NTRK3: variants seen among roughly 807,000 people sequenced by gnomAD.
The protein encoded by NTRK3 is neurotrophic receptor tyrosine kinase 3.
In NTRK3, 24 loss-of-function variants were observed where a neutral mutation model predicts 91.7. The ratio of observed to expected loss-of-function variants is 0.26; its 90% CI spans 0.19 to 0.37. The LOEUF is 0.37. NTRK3 is among the 10% of genes least tolerant of loss of function. NTRK3 has a pLI of 1.00. For synonymous variants in NTRK3, 483 were observed against 404.0 expected, an observed-to-expected ratio of 1.20 and a Z score of -2.34; for missense variants, 880 against 1,068.9, an observed-to-expected ratio of 0.82 and a Z score of 2.46.
intron 14 of NTRK3, among the ~76,000 whole-genome samples, chr15:88,009,078 A>T (rs1360776617): frequency 6.6e-6 from 1 of 152,178 alleles, no homozygotes; most frequent in Non-Finnish European, 1.5e-5. Flanking sequence ...GTGGGAAGAG[A>T]CTTGTCATTG....
chr15:87,929,528 C>T (rs2141919254), intron 16 of NTRK3, 94 bp from the exon 17 acceptor site: 1 of 1,461,206 alleles, frequency 6.8e-7, no homozygotes, highest in Non-Finnish European at 9.2e-7. Context: ...GAATGCCCCA[C>T]AGAAATAAAT....
intron 15 of NTRK3, among the ~76,000 whole-genome samples, chr15:87,935,214 G>C (rs1386651121): frequency 6.6e-6 from 1 of 152,180 alleles, no homozygotes; most frequent in Non-Finnish European, 1.5e-5. Flanking sequence ...GTATAGAAGA[G>C]AGGGTCAGGA....
At chr15:88,000,999 C>T (rs2076059512) in intron 14 of NTRK3, among the ~76,000 whole-genome samples, 1 of 152,156 alleles carries the variant, frequency 6.6e-6, no homozygotes, top group Non-Finnish European at 1.5e-5. Context: ...TTCTTCACAT[C>T]CTCACCAATA....
At chr15:88,208,945 G>A (rs1019583818) in intron 3 of NTRK3, among the ~76,000 whole-genome samples, 1 of 152,164 alleles carries the variant, frequency 6.6e-6, no homozygotes, top group African/African-American at 2.4e-5. Flanking sequence ...AATGTGCCAA[G>A]CATCGTGCCC....
chr15:88,177,912 A>G lies in NTRK3; in HGVS notation c.395+5506T>C, dbSNP rs563555534. The stretch of plus-strand genomic sequence containing the variant: ...CTTATTTAAGGCTAAGACCAATCCT[A>G]TGAAGTAGGAACTCTTATTTTCCTT... On this transcript the variant is annotated intron_variant, in intron 5 of 18. Coordinates refer to ENST00000394480, the Ensembl canonical transcript of NTRK3. 2.6e-5 allele frequency among the ~76,000 whole-genome samples: 4 copies of G among 152,362 alleles called. No homozygotes were observed. In the East Asian group the frequency reaches 5.8e-4, roughly 22 times the overall value.
chr15:87,869,978 G>C (rs2064780973), exon 19 of NTRK3: 1 of 192,466 alleles, frequency 5.2e-6, no homozygotes, highest in African/African-American at 2.3e-5. Flanking sequence ...ACGTCTTGTT[G>C]GGTTTTAGGG....
At chr15:88,200,138 A>G (rs532736680) in intron 3 of NTRK3, among the ~76,000 whole-genome samples, 1 of 152,294 alleles carries the variant, frequency 6.6e-6, no homozygotes, top group African/African-American at 2.4e-5. Context: ...TACAGAGCTC[A>G]CTCATGTCCC....
chr15:88,238,997 G>C (rs902451441), intron 3 of NTRK3, among the ~76,000 whole-genome samples: 2 of 152,190 alleles, frequency 1.3e-5, no homozygotes, highest in African/African-American at 4.8e-5. Flanking sequence ...TCAGACAGTG[G>C]CTGTGCGGAT....
At chr15:87,988,290 C>G (rs1373841159) in intron 14 of NTRK3, among the ~76,000 whole-genome samples, 1 of 152,140 alleles carries the variant, frequency 6.6e-6, no homozygotes, top group Non-Finnish European at 1.5e-5. Flanking sequence ...CAAGGAAAGT[C>G]TAAGAAACTG....
At chr15:87,872,650 A>C (rs1176451200) in exon 19 of NTRK3, 1 of 232,402 alleles carries the variant, frequency 4.3e-6, no homozygotes, top group African/African-American at 2.2e-5. Context: ...AAGAGCATAA[A>C]AATGAAGTCT....
At chr15:88,097,414 T>C (rs1305674788) in intron 13 of NTRK3, among the ~76,000 whole-genome samples, 4 of 152,178 alleles carry the variant, frequency 2.6e-5, no homozygotes, top group Non-Finnish European at 4.4e-5. Context: ...AGAACTATTT[T>C]TACACAGTAC....
intron 13 of NTRK3, among the ~76,000 whole-genome samples, chr15:88,043,137 C>CG (rs1484833507): frequency 6.6e-6 from 1 of 152,128 alleles, no homozygotes; most frequent in African/African-American, 2.4e-5. Flanking sequence ...CAGGAATGGC[C>CG]GGCAGCAAGG....
At chr15:88,012,617 A>C (rs778780053) in intron 14 of NTRK3, among the ~76,000 whole-genome samples, 24 of 152,236 alleles carry the variant, frequency 1.6e-4, no homozygotes, top group Non-Finnish European at 3.2e-4. Context: ...TGTGCTCCTA[A>C]CACCCAATAC....
intron 3 of NTRK3, among the ~76,000 whole-genome samples, chr15:88,201,223 C>T (rs1038342479): frequency 6.6e-6 from 1 of 152,184 alleles, no homozygotes; most frequent in Non-Finnish European, 1.5e-5. Flanking sequence ...CTCTGGGGAC[C>T]AGCCCAGCAG....
At chr15:88,030,736 C>A (rs2141995312) in intron 14 of NTRK3, among the ~76,000 whole-genome samples, 2 of 152,046 alleles carry the variant, frequency 1.3e-5, no homozygotes, top group Middle Eastern at 6.8e-3. Context: ...CCAGCTGAGA[C>A]TCAACAAGGA....
chr15:88,051,074 T>C (rs1438370631), intron 13 of NTRK3, among the ~76,000 whole-genome samples: 2 of 152,214 alleles, frequency 1.3e-5, no homozygotes, highest in East Asian at 3.8e-4. Flanking sequence ...ACCGTGGTCA[T>C]CTAATTATTT....
intron 3 of NTRK3, among the ~76,000 whole-genome samples, chr15:88,184,631 C>G (rs114702297): frequency 0.011 from 1,701 of 152,364 alleles, 37 homozygotes; most frequent in African/African-American, 0.039. Flanking sequence ...CAGTTTTCCT[C>G]TGTTCCCCTT....
intron 14 of NTRK3, among the ~76,000 whole-genome samples, chr15:87,986,233 A>G (rs898866545): frequency 6.6e-6 from 1 of 152,212 alleles, no homozygotes; most frequent in Non-Finnish European, 1.5e-5. Flanking sequence ...TGTATTCAGT[A>G]TATTTTTTCC....
intron 14 of NTRK3, among the ~76,000 whole-genome samples, chr15:87,954,603 A>T (rs1204301071): frequency 6.6e-6 from 1 of 152,206 alleles, no homozygotes; most frequent in Non-Finnish European, 1.5e-5. Context: ...AAAAAAAAAT[A>T]TTATCTGCAA....
Sources: gnomAD v4.1 joint callset for allele counts (sites outside exome capture counted in the v4.1 genomes callset) on GRCh38, gnomAD v4.1.1 for gene constraint, MANE v1.5 for transcripts, NCBI Gene and HGNC (gene_info 2026-07-23, HGNC 2026-07-21) for gene names.